HMCN2: variants seen among roughly 807,000 people sequenced by gnomAD.
HMCN2 encodes the protein hemicentin 2.
In HMCN2, 325 loss-of-function variants were observed where a neutral mutation model predicts 377.5. That is an observed-to-expected ratio of 0.86 (90% CI 0.79 to 0.94). HMCN2 has a LOEUF of 0.94. Among genes scored for constraint, HMCN2 ranks in the 40% least tolerant of loss-of-function variants. The probability of loss-of-function intolerance (pLI) is 0.00; values close to 1 mark genes in which losing one functional copy is unlikely to be tolerated. For missense variants in HMCN2, 4,543 were observed against 4,725.3 expected (o/e 0.96, Z 1.13); for synonymous variants, 2,007 against 2,046.8 (o/e 0.98, Z 0.53).
intron 73 of HMCN2, among the ~76,000 whole-genome samples, chr9:130,397,132 A>G (rs1219269581): frequency 6.6e-6 from 1 of 152,238 alleles, no homozygotes; most frequent in Non-Finnish European, 1.5e-5. Context: ...GGTTTATTGG[A>G]CTTGCAGTTC....
chr9:130,351,589 C>A lies in HMCN2; in HGVS notation c.4585+12C>A. The A allele has an allele frequency of 7.7e-7, 1 of 1,297,958 alleles. No homozygotes were observed. Among genetic ancestry groups the A allele is most frequent in the Non-Finnish European group, 1.0e-6 (1 of 984,434 alleles). The allele number at this position is 1,297,958 out of a possible 1,614,324, so 80.4% of individuals were successfully genotyped here. ...GCTCCGAGTTCATGGTGAGCCCCCA[C>A]GCCTTCTGGGACCCCGCCACAGGCT... is the stretch of plus-strand genomic sequence containing the variant. On this transcript the variant is annotated intron_variant, in intron 30 of 97. Coordinates refer to ENST00000683500, the MANE Select transcript of HMCN2 (RefSeq NM_001291815.2). This position sits in a 1 kb window ranked among gnomAD's most constrained non-coding sequence, Gnocchi z 5.4.
chr9:130,397,797 T>A, intron 74 of HMCN2, 142 bp downstream of exon 74: 1 of 698,848 alleles, frequency 1.4e-6, no homozygotes, highest in Non-Finnish European at 2.0e-6. Flanking sequence ...AGTAAAAAGT[T>A]GTGATCATGC....
chr9:130,368,269 C>A lies in HMCN2; in HGVS notation c.6626-7C>A, dbSNP rs1488855580. The A allele has an allele frequency of 4.1e-6, 4 of 985,528 alleles. No homozygotes were observed. The highest frequency in any genetic ancestry group is 1.7e-5 in the African/African-American group (1 of 57,200). The allele number at this position is 985,528 out of a possible 1,614,324, so 61.0% of individuals were successfully genotyped here. ...TGGACCAGGAGTTTCTTTTTTCCTG[C>A]ACCCAGGTCAACCCCTCCCCGGGGA... is the stretch of plus-strand genomic sequence containing the variant. On this transcript the variant is annotated splice_polypyrimidine_tract_variant and splice_region_variant and intron_variant, in intron 43 of 97. Transcript: ENST00000683500.
chr9:130,429,650 G>T lies in HMCN2; in HGVS notation c.14291G>T (p.Gly4764Val). Reference protein sequence around the residue: ...PGGHRCSCPRGYRMQGPSLPC... With the variant: ...PGGHRCSCPRVYRMQGPSLPC... Reference sequence around the variant, plus strand: ...GGTCACCGCTGCAGCTGCCCCAGGGGTTACCGGATGCAGGGCCCCAGCCTG... The same window carrying T: ...GGTCACCGCTGCAGCTGCCCCAGGGTTTACCGGATGCAGGGCCCCAGCCTG... The change falls in exon 94 of 98, where the codon GGT (glycine) becomes GTT (valine). Residue 4764 changes from glycine to valine, a missense_variant. Gly to Val is a moderately radical substitution (Grantham distance 109). Around this residue, in one of 5 missense-constraint regions of HMCN2, gnomAD observed 1,155 missense variants for 1,157.7 expected, o/e 1.00. Transcript: ENST00000683500. The T allele has an allele frequency of 6.5e-7, 1 of 1,545,964 alleles. No homozygotes were observed. The highest frequency in any genetic ancestry group is 8.7e-7 in the Non-Finnish European group (1 of 1,144,440).
At chr9:130,268,705 C>T (rs922311623) in intron 1 of HMCN2, among the ~76,000 whole-genome samples, 1 of 149,132 alleles carries the variant, frequency 6.7e-6, no homozygotes, top group Non-Finnish European at 1.5e-5. Context: ...GGAGAGAGGA[C>T]TCCCTGGGGC....
chr9:130,356,069 C>CA lies in HMCN2; in HGVS notation c.5256-19_5256-18insA. ...TCCCTGGTCTCAGGTTGACACGCCC[C>CA]CCTCCCTACTCACCTTAGGTGGCTG... On this transcript the variant is annotated intron_variant, in intron 33 of 97. Transcript: ENST00000683500. 8.0e-7 allele frequency: 1 copy of CA among 1,251,058 alleles called. No individual in the cohort carries two copies. The highest frequency in any genetic ancestry group is 1.0e-6 in the Non-Finnish European group (1 of 965,352). The allele number at this position is 1,251,058 out of a possible 1,614,324, so 77.5% of individuals were successfully genotyped here.
chr9:130,311,786 A>C (rs1404893689), intron 15 of HMCN2, among the ~76,000 whole-genome samples: 1 of 152,132 alleles, frequency 6.6e-6, no homozygotes, highest in East Asian at 1.9e-4. Flanking sequence ...GACGGCTGCC[A>C]CCTGGTACCA....
chr9:130,357,711 G>A lies in HMCN2; in HGVS notation c.5426-123G>A, dbSNP rs896028860. On this transcript the variant is annotated intron_variant, in intron 34 of 97. Coordinates refer to ENST00000683500, the MANE Select transcript of HMCN2 (RefSeq NM_001291815.2). ...GGGATATGGTGGGCAGAAGCTAGAT[G>A]CTAGCCTTTGGCCAGCCCTTCAAGG... 3.1e-4 allele frequency: 181 copies of A among 580,402 alleles called. 4 individuals are homozygous for A. In the South Asian group the frequency reaches 3.5e-3, roughly 11 times the overall value. 36.0% of individuals were successfully genotyped at this position (580,402 alleles called of 1,614,324 possible).
intron 35 of HMCN2, 98 bp downstream of exon 35, chr9:130,358,086 T>A (rs530225386): frequency 9.2e-7 from 1 of 1,085,278 alleles, no homozygotes. Context: ...CCCAGCAGGC[T>A]GGGCATAGGA....
chr9:130,288,802 C>T (rs1044731597), intron 4 of HMCN2, among the ~76,000 whole-genome samples: 1 of 152,198 alleles, frequency 6.6e-6, no homozygotes, highest in East Asian at 1.9e-4. Flanking sequence ...TCACTAGTAC[C>T]TGGATCACCC....
intron 4 of HMCN2, among the ~76,000 whole-genome samples, chr9:130,288,942 C>T (rs973569449): frequency 3.9e-5 from 6 of 152,180 alleles, no homozygotes; most frequent in Admixed American, 3.3e-4. Flanking sequence ...TGAACCTGCC[C>T]CAAAGGTGTG....
Position 130,395,276 on chromosome 9 carries a change from G to C in HMCN2, c.10840G>C (p.Val3614Leu), listed in dbSNP as rs1355536903. 1 of 1,289,630 alleles carries C rather than the reference G, an allele frequency of 7.8e-7. No individual in the cohort carries two copies. Among genetic ancestry groups the C allele is most frequent in the East Asian group, 5.6e-5 (1 of 18,004 alleles). The allele number at this position is 1,289,630 out of a possible 1,614,324, so 79.9% of individuals were successfully genotyped here. ...GGTCGGCCTGGCCCCAGGGCAGCTG[G>C]TCCTGGAGTGTTCGGTGGAGGCAGA... ...FVVGLAPGQLVLECSVEAEPA... is the reference protein window; with the variant it reads ...FVVGLAPGQLLLECSVEAEPA... Residue 3614 changes from valine to leucine, a missense_variant, in exon 71 of 98, where the codon GTC (valine) becomes CTC (leucine). Val to Leu is a conservative substitution (Grantham distance 32, BLOSUM62 1). Transcript: ENST00000683500.
chr9:130,311,287 G>A (rs36144487), intron 15 of HMCN2, among the ~76,000 whole-genome samples: 33,237 of 152,210 alleles, frequency 0.22, 4,016 homozygotes, highest in South Asian at 0.3. Flanking sequence ...CTCCCAAGGC[G>A]GGCCAGGCTC....
At chr9:130,333,264 G>A (rs1016604765) in intron 22 of HMCN2, among the ~76,000 whole-genome samples, 56 of 152,326 alleles carry the variant, frequency 3.7e-4, no homozygotes, top group African/African-American at 1.3e-3. Context: ...GGCATGGGAA[G>A]CATGTAATGG....
intron 65 of HMCN2, 108 bp downstream of exon 65, chr9:130,391,682 C>A: frequency 2.1e-6 from 2 of 939,984 alleles, no homozygotes; most frequent in Non-Finnish European, 2.5e-6. Context: ...GGTCTCACTT[C>A]CCTGGGCCTC....
In HMCN2 at chr9:130,369,786, G is replaced by A. The variant is rs942759767; in HGVS notation, c.7004G>A (p.Arg2335His). The A allele has an allele frequency of 1.3e-5, 13 of 985,806 alleles. No individual in the cohort carries two copies. The African/African-American group carries it at 1.7e-4, about 13-fold the overall frequency. The allele number at this position is 985,806 out of a possible 1,614,324, so 61.1% of individuals were successfully genotyped here. ...VERAQAAHTGRYSCVAENLAG... is the reference protein window; with the variant it reads ...VERAQAAHTGHYSCVAENLAG... The stretch of plus-strand genomic sequence containing the variant: ...CGGGCCCAGGCTGCCCACACTGGAC[G>A]CTACAGCTGTGTGGCCGAGAACCTG... The change falls in exon 45 of 98, where the codon CGC (arginine) becomes CAC (histidine). Residue 2335 changes from arginine to histidine, a missense_variant. Physicochemically the swap from Arg to His is conservative, Grantham distance 29 (BLOSUM62 0). Around this residue, in one of 5 missense-constraint regions of HMCN2, gnomAD observed 1,032 missense variants for 1,285.1 expected, o/e 0.80. Coordinates refer to ENST00000683500, the MANE Select transcript of HMCN2 (RefSeq NM_001291815.2). The surrounding 1 kb of genome is among the most constrained non-coding windows in gnomAD (Gnocchi z 4.5).
intron 90 of HMCN2, among the ~76,000 whole-genome samples, chr9:130,426,234 C>G (rs1484078681): frequency 6.6e-6 from 1 of 152,192 alleles, no homozygotes; most frequent in Non-Finnish European, 1.5e-5. Context: ...TCACCCCGCC[C>G]TCTTCTCCCG....
At position 130,308,409 on chromosome 9, in the gene HMCN2, G is replaced by C. The variant is rs1554937656; in HGVS notation, c.2200+843G>C. On this transcript the variant is annotated intron_variant, in intron 14 of 97. Coordinates refer to ENST00000683500, the MANE Select transcript of HMCN2 (RefSeq NM_001291815.2). This position sits in a 1 kb window ranked among gnomAD's most constrained non-coding sequence, Gnocchi z 4.1. ...AGGTCATGGGCAGAGCGTTTTCACG[G>C]TGCCTGCTGCCAGGCTGGAGTTTGA... Among the ~76,000 whole-genome samples, 1 of 152,224 alleles carries C rather than the reference G, an allele frequency of 6.6e-6. No homozygotes were observed. The highest frequency in any genetic ancestry group is 1.5e-5 in the Non-Finnish European group (1 of 68,044).
chr9:130,405,463 A>T (rs556691859), intron 81 of HMCN2, among the ~76,000 whole-genome samples: 36 of 152,138 alleles, frequency 2.4e-4, no homozygotes, highest in Non-Finnish European at 4.3e-4. Flanking sequence ...CACTCATCAG[A>T]TTCTGCAATT....
Sources: allele counts gnomAD v4.1 joint callset (sites outside exome capture counted in the v4.1 genomes callset), GRCh38; gene constraint gnomAD v4.1.1; regional missense constraint gnomAD v4.1.1; non-coding constraint Gnocchi (gnomAD v3.1); transcripts MANE v1.5; gene names NCBI Gene and HGNC (gene_info 2026-07-23, HGNC 2026-07-21).